ABCA13: variants seen among roughly 807,000 people sequenced by gnomAD.
ABCA13 encodes the protein ATP-binding cassette sub-family A member 13.
A neutral mutation model predicts 478.7 loss-of-function variants in ABCA13; 476 were observed. The observed-to-expected ratio is 0.99, with a 90% CI of 0.92 to 1.07. ABCA13 has a LOEUF of 1.07. Ranked by LOEUF, ABCA13 falls within the 50% of genes least tolerant of loss-of-function variation. ABCA13 has a pLI of 0.00. For missense variants in ABCA13, 6,060 were observed against 5,910.6 expected (o/e 1.03, Z -0.83); for synonymous variants, 2,252 against 2,158.9 (o/e 1.04, Z -1.20).
chr7:48,341,897 T>TA (rs1207042697), intron 29 of ABCA13, among the ~76,000 whole-genome samples: 3 of 96,494 alleles, frequency 3.1e-5, no homozygotes, highest in African/African-American at 7.5e-5. Flanking sequence ...TATATATATC[T>TA]TTCTGATATA....
At chr7:48,581,938 T>C (rs1788746925) in intron 56 of ABCA13, among the ~76,000 whole-genome samples, 1 of 152,190 alleles carries the variant, frequency 6.6e-6, no homozygotes, top group African/African-American at 2.4e-5. Context: ...CATTTTGAGG[T>C]GCTTATCACA....
At chr7:48,571,173 T>G (rs1787607992) in intron 55 of ABCA13, among the ~76,000 whole-genome samples, 1 of 152,202 alleles carries the variant, frequency 6.6e-6, no homozygotes, top group Non-Finnish European at 1.5e-5. Flanking sequence ...TAAATTATTC[T>G]ATTATGGAAA....
At chr7:48,371,414 C>A (rs1156652590) in intron 32 of ABCA13, among the ~76,000 whole-genome samples, 1 of 152,138 alleles carries the variant, frequency 6.6e-6, no homozygotes, top group Non-Finnish European at 1.5e-5. Flanking sequence ...TATCCATGAC[C>A]ATGGAATGTT....
At chr7:48,249,977 G>A (rs116714168) in intron 15 of ABCA13, among the ~76,000 whole-genome samples, 5 of 152,156 alleles carry the variant, frequency 3.3e-5, no homozygotes, top group East Asian at 1.9e-4. Flanking sequence ...TACTTCAGAC[G>A]CCAACCCCAA....
At chr7:48,412,067 A>G (rs1341306817) in intron 40 of ABCA13, among the ~76,000 whole-genome samples, 2 of 152,148 alleles carry the variant, frequency 1.3e-5, no homozygotes, top group Admixed American at 1.3e-4. Flanking sequence ...TCATGAATAC[A>G]AACCTCTGGA....
At chr7:48,447,342 C>T (rs1054645549) in intron 42 of ABCA13, among the ~76,000 whole-genome samples, 1 of 152,160 alleles carries the variant, frequency 6.6e-6, no homozygotes, top group Non-Finnish European at 1.5e-5. Context: ...GAACTGGCTC[C>T]TTCAATTCCA....
intron 32 of ABCA13, among the ~76,000 whole-genome samples, chr7:48,369,680 T>C (rs1812331068): frequency 6.6e-6 from 1 of 152,156 alleles, no homozygotes; most frequent in Non-Finnish European, 1.5e-5. Flanking sequence ...TTTGTTTGCT[T>C]TGTTGAAGAT....
At chr7:48,187,791 A>G (rs2128884106) in intron 1 of ABCA13, among the ~76,000 whole-genome samples, 1 of 151,714 alleles carries the variant, frequency 6.6e-6, no homozygotes, top group East Asian at 1.9e-4. Flanking sequence ...TTTTCTGAAT[A>G]TTTGTCCTTA....
At chr7:48,410,399 G>C in intron 39 of ABCA13, 121 bp from the exon 40 acceptor site, 1 of 1,289,672 alleles carries the variant, frequency 7.8e-7, no homozygotes, top group South Asian at 1.3e-5. Context: ...ATTTTTTTCA[G>C]TTTGAAAATT....
At chr7:48,330,776 T>TCCAC in intron 27 of ABCA13, among the ~76,000 whole-genome samples, 1 of 152,098 alleles carries the variant, frequency 6.6e-6, no homozygotes, top group Non-Finnish European at 1.5e-5. Flanking sequence ...CATCCATCCA[T>TCCAC]CCATCTATAC....
At chr7:48,505,974 GTCT>G (rs1831170850) in intron 48 of ABCA13, among the ~76,000 whole-genome samples, 1 of 152,172 alleles carries the variant, frequency 6.6e-6, no homozygotes, top group Non-Finnish European at 1.5e-5. Flanking sequence ...ATATCAGATA[GTCT>G]TCTTTGCATA....
At position 48,434,891 on chromosome 7, in the gene ABCA13, T is replaced by C. The variant is rs1822624145; in HGVS notation, c.12565+7020T>C. Among the ~76,000 whole-genome samples the C allele has an allele frequency of 2.0e-5, 3 of 151,954 alleles. No homozygotes were observed. In the South Asian group the frequency reaches 6.2e-4, roughly 31 times the overall value. ...GTCTGTTTTTGTGCCAGTTCCACAC[T>C]GTTTTGATTACCATGGCTTTGTAGT... On this transcript the variant is annotated intron_variant, in intron 42 of 61. Transcript: ENST00000435803.
chr7:48,219,540 C>G, intron 4 of ABCA13, 35 bp downstream of exon 4: 1 of 1,588,690 alleles, frequency 6.3e-7, no homozygotes, highest in Non-Finnish European at 8.5e-7. Flanking sequence ...ACACTACCTA[C>G]CTGGACATAG....
rs931103460 is a variant in ABCA13, at chr7:48,233,655, A to G, written c.764-363A>G. ...TCAATATTTTATCAGTATAGAACCAATAAAATATTGTCGTACCTTAATTTT... is the reference window on the plus strand; with the variant it reads ...TCAATATTTTATCAGTATAGAACCAGTAAAATATTGTCGTACCTTAATTTT... On this transcript the variant is annotated intron_variant, in intron 7 of 61. Transcript: ENST00000435803. Among the ~76,000 whole-genome samples the G allele has an allele frequency of 2.0e-5, 3 of 152,256 alleles. No individual in the cohort carries two copies. In the East Asian group the frequency reaches 5.8e-4, roughly 29 times the overall value.
At chr7:48,369,179 T>C (rs1418308423) in intron 32 of ABCA13, among the ~76,000 whole-genome samples, 1 of 152,182 alleles carries the variant, frequency 6.6e-6, no homozygotes, top group Non-Finnish European at 1.5e-5. Flanking sequence ...TTTCCATATG[T>C]TTGTTGACCA....
chr7:48,424,681 ATC>A (rs1308815249), intron 41 of ABCA13, among the ~76,000 whole-genome samples: 1 of 152,186 alleles, frequency 6.6e-6, no homozygotes, highest in Non-Finnish European at 1.5e-5. Flanking sequence ...CTTTCATTAA[ATC>A]CCTGGGTAAT....
intron 21 of ABCA13, 140 bp downstream of exon 21, chr7:48,296,003 C>A: frequency 8.8e-7 from 1 of 1,133,042 alleles, no homozygotes; most frequent in Non-Finnish European, 1.2e-6. Context: ...ATTTTCCAAA[C>A]ATCAAAGTTT....
rs781289638 is a variant in ABCA13, at chr7:48,372,174, C to T, written c.10810C>T (p.Arg3604Trp). The T allele has an allele frequency of 6.8e-6, 11 of 1,611,456 alleles. No individual in the cohort carries two copies. Among genetic ancestry groups the T allele is most frequent in the African/African-American group, 2.7e-5 (2 of 74,854 alleles). The change falls in exon 33 of 62, where the codon CGG (arginine) becomes TGG (tryptophan). Residue 3604 changes from arginine (R) to tryptophan (W), a missense_variant. Around this residue, in one of 3 missense-constraint regions of ABCA13, gnomAD observed 4,423 missense variants for 4,309.1 expected, o/e 1.03. Coordinates refer to ENST00000435803, the MANE Select transcript of ABCA13 (RefSeq NM_152701.5). ...TTTTTTCTCTTTTTGGTAGTATATG[C>T]GGATGATGGGAGTGCATCCAGTGAT... ...EQEIQIEEYM[R>W]MMGVHPVIHF...
intron 31 of ABCA13, 34 bp downstream of exon 31, chr7:48,352,521 A>G: frequency 2.0e-6 from 3 of 1,534,358 alleles, no homozygotes; most frequent in Non-Finnish European, 2.6e-6. Context: ...ACCGACAGTG[A>G]GAAGGGCCTT....
Sources: allele counts gnomAD v4.1 joint callset (sites outside exome capture counted in the v4.1 genomes callset), GRCh38; gene constraint gnomAD v4.1.1; regional missense constraint gnomAD v4.1.1; transcripts MANE v1.5; gene names NCBI Gene and HGNC (gene_info 2026-07-23, HGNC 2026-07-21).